Variants in HDAC4 observed in about 807,000 individuals in gnomAD.
HDAC4 encodes histone deacetylase 4, also known as histone deacetylase A.
HDAC4 carries 16 observed loss-of-function variants against 135.1 expected under a neutral mutation model. That is an observed-to-expected ratio of 0.12 (90% CI 0.08 to 0.18). The LOEUF is 0.18. Ranked by LOEUF, HDAC4 falls within the 10% of genes least tolerant of loss-of-function variation. The probability of loss-of-function intolerance (pLI) is 1.00; values close to 1 mark genes in which losing one functional copy is unlikely to be tolerated. For missense variants in HDAC4, 1,143 were observed against 1,511.8 expected, an observed-to-expected ratio of 0.76 and a Z score of 4.05; for synonymous variants, 685 against 653.4, an observed-to-expected ratio of 1.05 and a Z score of -0.74.
chr2:239,286,676 C>T (rs140707988), intron 2 of HDAC4, among the ~76,000 whole-genome samples: 2 of 152,276 alleles, frequency 1.3e-5, no homozygotes, highest in East Asian at 3.9e-4. Context: ...CAAACACACC[C>T]TGACAAAACT....
intron 24 of HDAC4, among the ~76,000 whole-genome samples, chr2:239,062,589 T>C (rs2084449): frequency 0.17 from 25,259 of 152,298 alleles, 2,718 homozygotes; most frequent in Admixed American, 0.35. Flanking sequence ...AAGTTCCCTA[T>C]TGTTATTTAA....
At chr2:239,070,343 C>A (rs2034049278) in intron 22 of HDAC4, among the ~76,000 whole-genome samples, 1 of 152,174 alleles carries the variant, frequency 6.6e-6, no homozygotes, top group African/African-American at 2.4e-5. Context: ...CTGAGAAATT[C>A]TTTAAATTAT....
chr2:239,276,660 C>T (rs1216638537), intron 2 of HDAC4, among the ~76,000 whole-genome samples: 1 of 152,098 alleles, frequency 6.6e-6, no homozygotes, highest in Non-Finnish European at 1.5e-5. Context: ...GCTGCCTGGA[C>T]ACTGCCTGCT....
intron 1 of HDAC4, among the ~76,000 whole-genome samples, chr2:239,386,933 C>G (rs979842789): frequency 6.6e-6 from 1 of 152,214 alleles, no homozygotes. Flanking sequence ...TAGGTGGCAG[C>G]GATCAGAGGT....
intron 2 of HDAC4, among the ~76,000 whole-genome samples, chr2:239,320,490 A>G (rs1287457524): frequency 6.6e-6 from 1 of 152,124 alleles, no homozygotes; most frequent in Non-Finnish European, 1.5e-5. Flanking sequence ...ACATAGGTAA[A>G]TCTAAATTTG....
Position 239,308,671 on chromosome 2 carries a change from G to A in HDAC4, c.22+44007C>T, listed in dbSNP as rs1424872873. 3.5e-5 allele frequency among the ~76,000 whole-genome samples: 4 copies of A among 114,636 alleles called. No homozygotes were observed. Among genetic ancestry groups the A allele is most frequent in the Non-Finnish European group, 9.3e-5 (4 of 42,864 alleles). The allele number at this position is 114,636 out of a possible 152,430, so 75.2% of individuals were successfully genotyped here. On this transcript the variant is annotated intron_variant, in intron 2 of 26. Coordinates refer to ENST00000543185, the MANE Select transcript of HDAC4 (RefSeq NM_001378414.1). The surrounding 1 kb of genome is among the most constrained non-coding windows in gnomAD (Gnocchi z 4.2). ...GCAGAGTGTGGTTAACAGGCCTCCG[G>A]GTGTCCCCCCCTTCCAGCCCAGTGC...
In HDAC4 at chr2:239,146,026, C is replaced by A. The variant is rs969180027; in HGVS notation, c.734-1312G>T. Among the ~76,000 whole-genome samples the A allele has an allele frequency of 1.1e-4, 17 of 152,194 alleles. No homozygotes were observed. The highest frequency in any genetic ancestry group is 4.1e-4 in the African/African-American group (17 of 41,440). ...CTGTGAGAAGGTACCAGACTCTAAG[C>A]CTCTGCAGGGAGCGAGGCCTCTGTG... On this transcript the variant is annotated intron_variant, in intron 7 of 26. Coordinates refer to ENST00000543185, the MANE Select transcript of HDAC4 (RefSeq NM_001378414.1). This position sits in a 1 kb window ranked among gnomAD's most constrained non-coding sequence, Gnocchi z 4.5.
chr2:239,185,433 G>A (rs1254613677), intron 4 of HDAC4, among the ~76,000 whole-genome samples: 2 of 150,228 alleles, frequency 1.3e-5, no homozygotes, highest in African/African-American at 2.5e-5. Context: ...CTGGGGAAAG[G>A]TGTGCCCTGT....
At position 239,083,981 on chromosome 2, in the gene HDAC4, G is replaced by A. The variant is rs112570934; in HGVS notation, c.2532+174C>T. 4.5e-3 allele frequency among the ~76,000 whole-genome samples: 690 copies of A among 152,350 alleles called. 5 individuals carry two copies. The highest frequency in any genetic ancestry group is 0.016 in the African/African-American group (658 of 41,580). On this transcript the variant is annotated intron_variant, in intron 20 of 26. Coordinates refer to ENST00000543185, the MANE Select transcript of HDAC4 (RefSeq NM_001378414.1). ...TCGCCAGGGTCGGCTGACGGAAGCT[G>A]TACAATGACTTGTAGCAGGTTTGGG...
intron 3 of HDAC4, among the ~76,000 whole-genome samples, chr2:239,209,947 G>A (rs923751915): frequency 1.3e-5 from 2 of 152,166 alleles, no homozygotes; most frequent in Non-Finnish European, 2.9e-5. Context: ...CCCACTTTAC[G>A]CCCACCGACC....
chr2:239,398,127 G>A (rs1696688830), intron 1 of HDAC4, among the ~76,000 whole-genome samples: 1 of 152,198 alleles, frequency 6.6e-6, no homozygotes, highest in African/African-American at 2.4e-5. Flanking sequence ...GCCACAGCCT[G>A]TCGCCCCGCT....
intron 3 of HDAC4, among the ~76,000 whole-genome samples, chr2:239,212,648 G>A (rs1213262385): frequency 6.6e-6 from 1 of 152,208 alleles, no homozygotes; most frequent in Non-Finnish European, 1.5e-5. Flanking sequence ...TCAGGCTGAG[G>A]GCAGGAGCGC....
At chr2:239,073,703 G>A (rs1390308429) in intron 22 of HDAC4, among the ~76,000 whole-genome samples, 1 of 152,282 alleles carries the variant, frequency 6.6e-6, no homozygotes, top group Non-Finnish European at 1.5e-5. Context: ...CAAACATGGT[G>A]TACAACACAG....
In HDAC4 at chr2:239,390,036, T is replaced by G. The variant is rs536337551; in HGVS notation, c.-220+10942A>C. Among the ~76,000 whole-genome samples the G allele has an allele frequency of 5.3e-5, 8 of 152,184 alleles. No homozygotes were observed. The South Asian group carries it at 1.7e-3, about 32-fold the overall frequency. ...GGGAGCAGCGGGCAGGGCCTGTGTA[T>G]CCCATGAAGCTGACTCTCCCCAGGT... is the stretch of plus-strand genomic sequence containing the variant. On this transcript the variant is annotated intron_variant, in intron 1 of 26. Coordinates refer to ENST00000543185, the MANE Select transcript of HDAC4 (RefSeq NM_001378414.1).
At chr2:239,091,639 G>C (rs1335464561) in intron 17 of HDAC4, 1 of 152,248 alleles carries the variant, frequency 6.6e-6, no homozygotes, top group African/African-American at 2.4e-5. Flanking sequence ...CATTATGTGG[G>C]GAGGGAGGAT....
At chr2:239,083,039 C>T (rs1044345785) in intron 20 of HDAC4, among the ~76,000 whole-genome samples, 1 of 152,232 alleles carries the variant, frequency 6.6e-6, no homozygotes, top group East Asian at 1.9e-4. Flanking sequence ...AGGTGAGGAG[C>T]GATGGACAAG....
chr2:239,154,525 C>T (rs1354219025), intron 7 of HDAC4: 1 of 152,354 alleles, frequency 6.6e-6, no homozygotes, highest in African/African-American at 2.4e-5. Context: ...CTCGGCATCG[C>T]TCCAGTTTCT....
rs919558619 is a variant in HDAC4 at position 239,285,457 on chromosome 2, G to A, written c.23-48793C>T. ...GGCTGGGGCTTCGCTAGTGTGCGGG[G>A]AGGCAGAGGAGCAGTGCCGGCTGCC... On this transcript the variant is annotated intron_variant, in intron 2 of 26. Transcript: ENST00000543185. This position sits in a 1 kb window ranked among gnomAD's most constrained non-coding sequence, Gnocchi z 4.5. Among the ~76,000 whole-genome samples the A allele has an allele frequency of 2.0e-5, 3 of 152,238 alleles. No homozygotes were observed. The highest frequency in any genetic ancestry group is 4.4e-5 in the Non-Finnish European group (3 of 68,040).
chr2:239,304,663 T>C (rs576027531), intron 2 of HDAC4, among the ~76,000 whole-genome samples: 3 of 152,166 alleles, frequency 2.0e-5, no homozygotes, highest in East Asian at 3.9e-4. Context: ...TACCGTGTCC[T>C]GCCCTCGGCT....
Sources: gnomAD v4.1 joint callset for allele counts (sites outside exome capture counted in the v4.1 genomes callset) on GRCh38, gnomAD v4.1.1 for gene constraint, Gnocchi (gnomAD v3.1) non-coding constraint, MANE v1.5 for transcripts, NCBI Gene and HGNC (gene_info 2026-07-23, HGNC 2026-07-21) for gene names.